NCR1: variants seen among roughly 807,000 people sequenced by gnomAD.
NCR1 encodes NK cell-activating receptor.
A neutral mutation model predicts 32.5 loss-of-function variants in NCR1; 30 were observed. The ratio of observed to expected loss-of-function variants is 0.92; its 90% CI spans 0.69 to 1.25. NCR1 has a LOEUF of 1.25. Ranked by LOEUF, NCR1 falls within the 50% of genes most tolerant of loss-of-function variation. The pLI is 0.00. For synonymous variants in NCR1, 169 were observed against 143.4 expected (o/e 1.18, Z -1.28); for missense variants, 369 against 380.7 (o/e 0.97, Z 0.26).
At chr19:54,923,271 C>T in the NCR1 span, among the ~76,000 whole-genome samples, 1 of 152,138 alleles carries the variant, frequency 6.6e-6, no homozygotes, top group African/African-American at 2.4e-5. Context: ...CTATCTGGCC[C>T]GTTTGTCAAT....
chr19:54,917,385 T>C (rs772370462), downstream of NCR1, among the ~76,000 whole-genome samples: 5 of 151,210 alleles, frequency 3.3e-5, no homozygotes, highest in Non-Finnish European at 7.4e-5. Flanking sequence ...AGTGGTGCCA[T>C]CTTGGCTCAC....
At chr19:54,916,702 AT>A (rs35842513), downstream of NCR1, among the ~76,000 whole-genome samples, 473 of 50,468 alleles carry the variant, frequency 9.4e-3, 1 homozygote, top group African/African-American at 0.033. Flanking sequence ...CAACTGTTCT[AT>A]TTTTTTTTTT....
chr19:54,906,831 G>C, intron 3 of NCR1, 24 bp downstream of exon 3: 1 of 1,611,334 alleles, frequency 6.2e-7, no homozygotes. Flanking sequence ...TCTCTAACTG[G>C]AGAGTGATCT....
chr19:54,933,173 T>G, the NCR1 span, among the ~76,000 whole-genome samples: 1 of 151,818 alleles, frequency 6.6e-6, no homozygotes, highest in Non-Finnish European at 1.5e-5. Context: ...TGAGAAGGAG[T>G]CTTGTTCTGT....
the NCR1 span, among the ~76,000 whole-genome samples, chr19:54,898,886 A>G: frequency 1.4e-3 from 212 of 152,202 alleles, 2 homozygotes; most frequent in Non-Finnish European, 1.2e-3. Flanking sequence ...TGTAAGCTGG[A>G]CCGGGTGTGA....
At chr19:54,899,314 G>A in the NCR1 span, among the ~76,000 whole-genome samples, 3 of 152,112 alleles carry the variant, frequency 2.0e-5, no homozygotes, top group South Asian at 6.2e-4. Flanking sequence ...GGTCAGGTGT[G>A]AGTTGAAGAG....
chr19:54,903,659 ATATG>A (rs1486701696), upstream of NCR1, among the ~76,000 whole-genome samples: 3 of 146,574 alleles, frequency 2.0e-5, no homozygotes, highest in Non-Finnish European at 4.5e-5. Flanking sequence ...ATATATGTAT[ATATG>A]TATACATATA....
chr19:54,926,554 T>C, the NCR1 span, among the ~76,000 whole-genome samples: 3 of 151,582 alleles, frequency 2.0e-5, 1 homozygote, highest in South Asian at 6.3e-4. Flanking sequence ...CTGAGGCAGG[T>C]GGATCACCTG....
chr19:54,907,513 TTTATTA>T (rs587669715), intron 3 of NCR1, among the ~76,000 whole-genome samples: 3 of 150,460 alleles, frequency 2.0e-5, no homozygotes, highest in Admixed American at 6.6e-5. Flanking sequence ...AATATGGTTG[TTTATTA>T]TTATTATCAA....
chr19:54,912,667 T>C, intron 6 of NCR1, 23 bp from the exon 7 acceptor site: 1 of 925,250 alleles, frequency 1.1e-6, no homozygotes, highest in South Asian at 1.4e-5. Context: ...CTGTCAGCGA[T>C]CACCCTGTTC....
At chr19:54,905,724 C>A (rs1210126995), upstream of NCR1, among the ~76,000 whole-genome samples, 1 of 152,104 alleles carries the variant, frequency 6.6e-6, no homozygotes, top group African/African-American at 2.4e-5. Context: ...TTCTCTTCCT[C>A]GGGGGGAACT....
the NCR1 span, among the ~76,000 whole-genome samples, chr19:54,923,089 T>G: frequency 6.6e-6 from 1 of 152,176 alleles, no homozygotes; most frequent in African/African-American, 2.4e-5. Flanking sequence ...ACTGTAAGCT[T>G]GTGCTTTGTG....
downstream of NCR1, among the ~76,000 whole-genome samples, chr19:54,917,468 T>G (rs1010010124): frequency 3.3e-5 from 5 of 151,994 alleles, no homozygotes; most frequent in African/African-American, 1.2e-4. Flanking sequence ...TACAGGCATG[T>G]GCCGCCACGC....
chr19:54,938,152 T>A, the NCR1 span: 43 of 1,613,838 alleles, frequency 2.7e-5, no homozygotes, highest in Non-Finnish European at 3.6e-5. Context: ...GAGGTTGCTG[T>A]TTGAGCTGAA....
At chr19:54,905,515 T>C (rs935819101), upstream of NCR1, among the ~76,000 whole-genome samples, 1 of 152,184 alleles carries the variant, frequency 6.6e-6, no homozygotes, top group Non-Finnish European at 1.5e-5. Context: ...AAGGCAGTTA[T>C]TCAATTGAGA....
the NCR1 span, among the ~76,000 whole-genome samples, chr19:54,901,130 A>AAAAAAAT: frequency 2.0e-5 from 3 of 149,350 alleles, no homozygotes. Flanking sequence ...TTTGAAAAAA[A>AAAAAAAT]AAAAAAAAGA....
At chr19:54,911,988 C>T (rs988465606) in intron 5 of NCR1, among the ~76,000 whole-genome samples, 180 bp from the exon 6 acceptor site, 7 of 151,906 alleles carry the variant, frequency 4.6e-5, no homozygotes, top group Non-Finnish European at 7.4e-5. Context: ...TGGAATTCCT[C>T]GTCAGGTTCG....
the NCR1 span, chr19:54,938,071 C>T: frequency 9.3e-6 from 15 of 1,613,910 alleles, no homozygotes; most frequent in South Asian, 6.6e-5. Context: ...ACAGGTGCTA[C>T]GGGTTACGTG....
chr19:54,937,162 G>C, the NCR1 span, among the ~76,000 whole-genome samples: 1 of 151,020 alleles, frequency 6.6e-6, no homozygotes, highest in African/African-American at 2.4e-5. Flanking sequence ...GGCTTGCAGT[G>C]AGCCGAGATT....
Sources: allele counts gnomAD v4.1 joint callset (sites outside exome capture counted in the v4.1 genomes callset), GRCh38; gene constraint gnomAD v4.1.1; transcripts MANE v1.5; gene names NCBI Gene and HGNC (gene_info 2026-07-23, HGNC 2026-07-21).